The following RGS7 variants were observed in gnomAD, a reference collection of about 807,000 sequenced individuals.
RGS7 encodes regulator of G-protein signaling 7.
In RGS7, 27 loss-of-function variants were observed where a neutral mutation model predicts 81.1. The observed-to-expected ratio is 0.33, with a 90% CI of 0.25 to 0.46. RGS7 has a LOEUF of 0.46. RGS7 is among the 20% of genes least tolerant of loss of function. The probability of loss-of-function intolerance (pLI) is 1.00; values close to 1 mark genes in which losing one functional copy is unlikely to be tolerated. For synonymous variants in RGS7, 208 were observed against 207.7 expected (o/e 1.00, Z -0.01); for missense variants, 396 against 607.4 (o/e 0.65, Z 3.66).
At chr1:241,011,178 T>C (rs1288594797) in intron 3 of RGS7, among the ~76,000 whole-genome samples, 1 of 152,186 alleles carries the variant, frequency 6.6e-6, no homozygotes, top group African/African-American at 2.4e-5. Flanking sequence ...GTTTTTCACA[T>C]TTTTAAAAAA....
intron 4 of RGS7, among the ~76,000 whole-genome samples, chr1:240,957,065 G>C (rs145957329): frequency 6.6e-6 from 1 of 152,274 alleles, no homozygotes; most frequent in East Asian, 1.9e-4. Flanking sequence ...GTCTGTGAGG[G>C]TGTTGCCAGA....
intron 3 of RGS7, among the ~76,000 whole-genome samples, chr1:240,984,449 G>A (rs1685370246): frequency 6.6e-6 from 1 of 152,136 alleles, no homozygotes; most frequent in Non-Finnish European, 1.5e-5. Flanking sequence ...ATAAGTAGGA[G>A]AGATTAAAAA....
chr1:241,308,607 C>T (rs2080314802), intron 2 of RGS7, among the ~76,000 whole-genome samples: 1 of 152,108 alleles, frequency 6.6e-6, no homozygotes, highest in Non-Finnish European at 1.5e-5. Flanking sequence ...GTGTTCTTCG[C>T]AGTTTCTGTC....
chr1:240,775,789 C>T lies in RGS7; in HGVS notation c.*431G>A. On this transcript the variant is annotated 3_prime_UTR_variant, in exon 19 of 19. Coordinates refer to ENST00000440928, the MANE Select transcript of RGS7 (RefSeq NM_001364886.1). The stretch of plus-strand genomic sequence containing the variant: ...CCACATGTATACTTATTGATATATA[C>T]TTTTTTCTTTTACAGTTCTTCCAGT... The T allele has an allele frequency of 4.0e-6, 1 of 251,984 alleles. No individual in the cohort carries two copies. Among genetic ancestry groups the T allele is most frequent in the Non-Finnish European group, 7.9e-6 (1 of 127,060 alleles). 15.6% of individuals were successfully genotyped at this position (251,984 alleles called of 1,614,324 possible). A position where few individuals can be genotyped will look rare whatever the true frequency, so the allele number is the denominator to read the frequency against.
At chr1:241,272,654 A>T (rs1172147054) in intron 2 of RGS7, among the ~76,000 whole-genome samples, 1 of 151,290 alleles carries the variant, frequency 6.6e-6, no homozygotes, top group Non-Finnish European at 1.5e-5. Context: ...TTTCTTCTCA[A>T]CTCCCATTTT....
chr1:240,803,011 T>A lies in RGS7; in HGVS notation c.1270-18A>T. 1 of 1,505,676 alleles carries A rather than the reference T, an allele frequency of 6.6e-7. No individual in the cohort carries two copies. Among genetic ancestry groups the A allele is most frequent in the Non-Finnish European group, 9.2e-7 (1 of 1,081,560 alleles). The allele number at this position is 1,505,676 out of a possible 1,614,324, so 93.3% of individuals were successfully genotyped here. ...ATGTGCTCCTAAAAAGAAATAATGGTTGAGGTGCTTCTTTATGATTTCTTG... is the reference window on the plus strand; with the variant it reads ...ATGTGCTCCTAAAAAGAAATAATGGATGAGGTGCTTCTTTATGATTTCTTG... On this transcript the variant is annotated intron_variant, in intron 15 of 18. Coordinates refer to ENST00000440928, the MANE Select transcript of RGS7 (RefSeq NM_001364886.1).
intron 2 of RGS7, among the ~76,000 whole-genome samples, chr1:241,145,260 C>A (rs1042388634): frequency 1.1e-4 from 17 of 152,028 alleles, no homozygotes; most frequent in Admixed American, 2.6e-4. Flanking sequence ...CTGTGATTCT[C>A]CCGCTTCAGC....
At chr1:240,955,586 G>A (rs66684836) in intron 4 of RGS7, among the ~76,000 whole-genome samples, 128,786 of 144,866 alleles carry the variant, frequency 0.89, 56,940 homozygotes, top group Admixed American at 0.94. Flanking sequence ...AAAAAAAACC[G>A]ATTTGGAATA....
chr1:240,973,826 C>T (rs1374838523), intron 4 of RGS7, among the ~76,000 whole-genome samples: 2 of 152,000 alleles, frequency 1.3e-5, no homozygotes, highest in African/African-American at 4.8e-5. Flanking sequence ...GTGATCCATC[C>T]GCCTCGGCCT....
chr1:241,163,854 T>G lies in RGS7; in HGVS notation c.79-65092A>C, dbSNP rs2103215575. On this transcript the variant is annotated intron_variant, in intron 2 of 18. Transcript: ENST00000440928. This position sits in a 1 kb window ranked among gnomAD's most constrained non-coding sequence, Gnocchi z 4.6. Reference sequence around the variant, plus strand: ...CTCACCAACAAGCAAGCCATCAATTTTGCAGCAGACTGAAGCTGGAAGTCC... The same window carrying G: ...CTCACCAACAAGCAAGCCATCAATTGTGCAGCAGACTGAAGCTGGAAGTCC... 6.7e-6 allele frequency among the ~76,000 whole-genome samples: 1 copy of G among 150,106 alleles called. No homozygotes were observed. Among genetic ancestry groups the G allele is most frequent in the South Asian group, 2.1e-4 (1 of 4,822 alleles).
chr1:240,792,129 A>G (rs1477945950), intron 18 of RGS7, among the ~76,000 whole-genome samples: 1 of 152,222 alleles, frequency 6.6e-6, no homozygotes, highest in Non-Finnish European at 1.5e-5. Flanking sequence ...AATAAAAGTG[A>G]TAATGCAACA....
chr1:241,170,017 G>A (rs943100871), intron 2 of RGS7, among the ~76,000 whole-genome samples: 2 of 151,946 alleles, frequency 1.3e-5, no homozygotes, highest in East Asian at 3.9e-4. Context: ...CAATGACTCT[G>A]GGATAGCTAC....
At chr1:241,021,093 CTTA>C (rs1350461900) in intron 3 of RGS7, among the ~76,000 whole-genome samples, 1 of 152,156 alleles carries the variant, frequency 6.6e-6, no homozygotes, top group Non-Finnish European at 1.5e-5. Context: ...GCCTCATCTT[CTTA>C]TTTTCTTTCT....
At chr1:240,981,282 G>T (rs1383327146) in intron 4 of RGS7, among the ~76,000 whole-genome samples, 4 of 151,978 alleles carry the variant, frequency 2.6e-5, no homozygotes, top group Non-Finnish European at 5.9e-5. Context: ...GCTAATTTTT[G>T]TATTTTTAGT....
intron 2 of RGS7, among the ~76,000 whole-genome samples, chr1:241,105,663 C>T (rs1033375034): frequency 2.6e-5 from 4 of 152,106 alleles, no homozygotes; most frequent in Non-Finnish European, 5.9e-5. Flanking sequence ...CTATATTTGC[C>T]GGAACTTTAC....
At chr1:241,354,482 C>G (rs1454456471) in intron 2 of RGS7, among the ~76,000 whole-genome samples, 2 of 152,174 alleles carry the variant, frequency 1.3e-5, no homozygotes, top group African/African-American at 4.8e-5. Flanking sequence ...TTCGCCCAGG[C>G]TAGAGAATAA....
chr1:241,155,241 C>T (rs1572914211), intron 2 of RGS7, among the ~76,000 whole-genome samples: 2 of 152,098 alleles, frequency 1.3e-5, no homozygotes, highest in South Asian at 2.1e-4. Context: ...GCTGGGATTA[C>T]AGGTGCATAC....
At position 240,938,821 on chromosome 1, in the gene RGS7, C is replaced by CGT. The variant is rs112229453; in HGVS notation, c.227-2117_227-2116dup. On this transcript the variant is annotated intron_variant, in intron 4 of 18. Transcript: ENST00000440928. ...GCATTTTTTTTTCATCAATTTTGTG[C>CGT]GTGTGTGTGTGTGTGTGTGTGTGTG... Among the ~76,000 whole-genome samples, 609 of 146,476 alleles carry CGT rather than the reference C, an allele frequency of 4.2e-3. 5 individuals are homozygous for CGT. Among genetic ancestry groups the CGT allele is most frequent in the East Asian group, 0.021 (107 of 5,026 alleles).
At chr1:240,981,260 C>A (rs189520926) in intron 4 of RGS7, among the ~76,000 whole-genome samples, 1 of 152,172 alleles carries the variant, frequency 6.6e-6, no homozygotes, top group Non-Finnish European at 1.5e-5. Flanking sequence ...CATGTGTGTG[C>A]CACCACACCC....
Sources: gnomAD v4.1 joint callset for allele counts (sites outside exome capture counted in the v4.1 genomes callset) on GRCh38, gnomAD v4.1.1 for gene constraint, Gnocchi (gnomAD v3.1) non-coding constraint, MANE v1.5 for transcripts, NCBI Gene and HGNC (gene_info 2026-07-23, HGNC 2026-07-21) for gene names.